Variants in PPFIA2 observed in about 807,000 individuals in gnomAD.
The protein encoded by PPFIA2 is liprin-alpha-2.
In PPFIA2, 46 loss-of-function variants were observed where a neutral mutation model predicts 175.5. The observed-to-expected ratio is 0.26, with a 90% CI of 0.21 to 0.34. The LOEUF (loss-of-function observed/expected upper bound fraction) is 0.34, where lower values mean the gene tolerates loss of function less well. Among genes scored for constraint, PPFIA2 ranks in the 10% least tolerant of loss-of-function variants. The probability of loss-of-function intolerance (pLI) is 1.00; values close to 1 mark genes in which losing one functional copy is unlikely to be tolerated. For missense variants in PPFIA2, 1,179 were observed against 1,506.1 expected (o/e 0.78, Z 3.60); for synonymous variants, 568 against 511.4 (o/e 1.11, Z -1.49).
intron 23 of PPFIA2, among the ~76,000 whole-genome samples, 194 bp downstream of exon 23, chr12:81,299,107 A>G (rs1436695491): frequency 6.6e-6 from 1 of 152,168 alleles, no homozygotes; most frequent in African/African-American, 2.4e-5. Context: ...CCACTGCATG[A>G]TTTCTTCTAC....
intron 19 of PPFIA2, 84 bp from the exon 20 acceptor site, chr12:81,341,292 G>T: frequency 1.5e-6 from 2 of 1,338,354 alleles, no homozygotes; most frequent in Non-Finnish European, 2.0e-6. Context: ...TGAGAACAAG[G>T]CTGTCGAGTA....
At chr12:81,373,358 G>A (rs2035634264) in intron 11 of PPFIA2, among the ~76,000 whole-genome samples, 1 of 151,722 alleles carries the variant, frequency 6.6e-6, no homozygotes. Flanking sequence ...CTTAGTCTAG[G>A]TTATAGTCAT....
Position 81,375,869 on chromosome 12 carries a change from T to A in PPFIA2, c.1058A>T (p.Glu353Val), listed in dbSNP as rs1261377735. Reference sequence around the variant, plus strand: ...ATTCATGTCATGTATGGAGGTAGATTCTCTCTGAGCACTGAGGTAACGCTT... The same window carrying A: ...ATTCATGTCATGTATGGAGGTAGATACTCTCTGAGCACTGAGGTAACGCTT... ...LEKRYLSAQRESTSIHDMNDK... is the reference protein window; with the variant it reads ...LEKRYLSAQRVSTSIHDMNDK... Residue 353 changes from glutamate (E) to valine (V), a missense_variant, in exon 10 of 33, where the codon GAA becomes GTA. Physicochemically the swap from Glu to Val is moderately radical, Grantham distance 121 (BLOSUM62 -2). Around this residue, in one of 10 missense-constraint regions of PPFIA2, gnomAD observed 226 missense variants for 216.6 expected, o/e 1.04. Coordinates refer to ENST00000549396, the MANE Select transcript of PPFIA2 (RefSeq NM_003625.5). The A allele has an allele frequency of 6.2e-7, 1 of 1,610,464 alleles. No homozygotes were observed. The highest frequency in any genetic ancestry group is 8.5e-7 in the Non-Finnish European group (1 of 1,176,928).
intron 3 of PPFIA2, among the ~76,000 whole-genome samples, chr12:81,707,187 A>G (rs1182907442): frequency 1.3e-5 from 2 of 152,192 alleles, no homozygotes; most frequent in African/African-American, 4.8e-5. Flanking sequence ...TAATTAAACT[A>G]AAGAGTTTCT....
rs918792435 is a variant in PPFIA2 at position 81,630,897 on chromosome 12, ATATTT to A, written c.303+45889_303+45893del. On this transcript the variant is annotated intron_variant, in intron 4 of 32. Transcript: ENST00000549396. ...ATGGAAAGGCTATATATATATATAT[ATATTT>A]TTTTTTTTTTTCCAGACAGAGTCTA... is the stretch of plus-strand genomic sequence containing the variant. Among the ~76,000 whole-genome samples, 8 of 75,282 alleles carry A rather than the reference ATATTT, an allele frequency of 1.1e-4. No homozygotes were observed. The South Asian group carries it at 1.5e-3, about 14-fold the overall frequency. The allele number at this position is 75,282 out of a possible 152,430, so 49.4% of individuals were successfully genotyped here.
In PPFIA2 at chr12:81,688,197, A is replaced by G. The variant is rs549885210; in HGVS notation, c.250-11353T>C. Among the ~76,000 whole-genome samples the G allele has an allele frequency of 2.0e-5, 3 of 152,126 alleles. No homozygotes were observed. In the East Asian group the frequency reaches 5.8e-4, roughly 29 times the overall value. ...ATCTTTTTGCTGTACATTAAAAACT[A>G]TGTATTGGGTAACATGTATACCATA... On this transcript the variant is annotated intron_variant, in intron 3 of 32. Coordinates refer to ENST00000549396, the MANE Select transcript of PPFIA2 (RefSeq NM_003625.5).
At chr12:81,540,262 TAATATTTAAATAGA>T (rs1325864115) in intron 4 of PPFIA2, among the ~76,000 whole-genome samples, 1 of 152,114 alleles carries the variant, frequency 6.6e-6, no homozygotes, top group African/African-American at 2.4e-5. Flanking sequence ...AAGTCTTCTT[TAATATTTAAATAGA>T]AATATTTATC....
intron 5 of PPFIA2, among the ~76,000 whole-genome samples, chr12:81,453,253 A>C (rs1372182940): frequency 6.6e-6 from 1 of 150,618 alleles, no homozygotes; most frequent in Non-Finnish European, 1.5e-5. Flanking sequence ...GTCACACAAT[A>C]GTTACATTCT....
intron 3 of PPFIA2, among the ~76,000 whole-genome samples, chr12:81,723,368 A>T (rs2079607321): frequency 1.3e-5 from 2 of 151,098 alleles, no homozygotes; most frequent in African/African-American, 4.8e-5. Context: ...ATGATATATG[A>T]CACATATACA....
At chr12:81,322,707 T>C (rs377551456) in intron 22 of PPFIA2, among the ~76,000 whole-genome samples, 12 of 152,224 alleles carry the variant, frequency 7.9e-5, no homozygotes, top group East Asian at 7.7e-4. Flanking sequence ...AGAGCAACAA[T>C]AGATTGACTT....
chr12:81,675,275 T>G (rs947018519), intron 4 of PPFIA2, among the ~76,000 whole-genome samples: 1 of 151,872 alleles, frequency 6.6e-6, no homozygotes, highest in Non-Finnish European at 1.5e-5. Context: ...CTATTCACTT[T>G]TATTTATTGG....
At chr12:81,404,933 C>T (rs1330462666) in intron 8 of PPFIA2, among the ~76,000 whole-genome samples, 1 of 152,170 alleles carries the variant, frequency 6.6e-6, no homozygotes, top group Admixed American at 6.6e-5. Flanking sequence ...CTAGCTGATT[C>T]ATGTGGTCTT....
At chr12:81,336,775 G>A (rs1566236317) in intron 21 of PPFIA2, among the ~76,000 whole-genome samples, 3 of 152,152 alleles carry the variant, frequency 2.0e-5, no homozygotes. Flanking sequence ...TCTCTTTCCC[G>A]TAGTTCTTTC....
chr12:81,436,368 C>T (rs2049034774), intron 7 of PPFIA2, among the ~76,000 whole-genome samples: 1 of 138,820 alleles, frequency 7.2e-6, no homozygotes, highest in Non-Finnish European at 1.5e-5. Context: ...TCTCCAGCTC[C>T]TTGCTCATTT....
In PPFIA2 at chr12:81,368,388, A is replaced by G. The variant is rs556143913; in HGVS notation, c.1482+337T>C. 8.6e-4 allele frequency among the ~76,000 whole-genome samples: 130 copies of G among 151,838 alleles called. 1 individual carries two copies. Among genetic ancestry groups the G allele is most frequent in the Middle Eastern group, 3.4e-3 (1 of 294 alleles). On this transcript the variant is annotated intron_variant, in intron 13 of 32. Coordinates refer to ENST00000549396, the MANE Select transcript of PPFIA2 (RefSeq NM_003625.5). ...TTTCAAATCACCTTCCCCCCAAAAA[A>G]GTATTGACTTGTGTCTCATCACTTT...
intron 4 of PPFIA2, among the ~76,000 whole-genome samples, chr12:81,529,553 A>C (rs1409002620): frequency 3.4e-5 from 4 of 119,240 alleles, no homozygotes; most frequent in African/African-American, 1.4e-4. Context: ...GCGGGGGGGC[A>C]GTGGAAAGAG....
intron 4 of PPFIA2, among the ~76,000 whole-genome samples, chr12:81,676,264 A>G (rs2072487742): frequency 6.6e-6 from 1 of 152,030 alleles, no homozygotes; most frequent in Non-Finnish European, 1.5e-5. Flanking sequence ...ATCTGACATC[A>G]CAGAAAGGAC....
intron 11 of PPFIA2, among the ~76,000 whole-genome samples, chr12:81,370,368 C>T (rs939571907): frequency 9.2e-5 from 14 of 151,766 alleles, no homozygotes; most frequent in African/African-American, 3.4e-4. Context: ...GGCCTACTCT[C>T]AGATACTTGG....
At chr12:81,431,191 T>C (rs891005638) in intron 7 of PPFIA2, 1 of 152,214 alleles carries the variant, frequency 6.6e-6, no homozygotes, top group African/African-American at 2.4e-5. Flanking sequence ...GTCAATTGAA[T>C]TTTTACAGGT....
Sources: gnomAD v4.1 joint callset for allele counts (sites outside exome capture counted in the v4.1 genomes callset) on GRCh38, gnomAD v4.1.1 for gene constraint, gnomAD v4.1.1 regional missense constraint, MANE v1.5 for transcripts, NCBI Gene and HGNC (gene_info 2026-07-23, HGNC 2026-07-21) for gene names.